Variants in KAZN observed in about 807,000 individuals in gnomAD.
KAZN encodes the protein kazrin.
KAZN carries 40 observed loss-of-function variants against 87.4 expected under a neutral mutation model. The ratio of observed to expected loss-of-function variants is 0.46; its 90% CI spans 0.36 to 0.60. KAZN has a LOEUF of 0.60. Ranked by LOEUF, KAZN falls within the 20% of genes least tolerant of loss-of-function variation. The pLI, the probability that KAZN is intolerant of heterozygous loss-of-function variation, is 0.00. For synonymous variants in KAZN, 466 were observed against 458.3 expected (o/e 1.02, Z -0.22); for missense variants, 898 against 1,073.9 (o/e 0.84, Z 2.29).
At chr1:13,944,291 G>A (rs1352195321) in intron 1 of KAZN, among the ~76,000 whole-genome samples, 2 of 152,186 alleles carry the variant, frequency 1.3e-5, no homozygotes, top group Non-Finnish European at 2.9e-5. Context: ...CACACACTGC[G>A]ATTCCATTTC....
intron 2 of KAZN, among the ~76,000 whole-genome samples, chr1:14,195,509 G>C (rs1557551983): frequency 2.6e-5 from 1 of 38,230 alleles, no homozygotes; most frequent in African/African-American, 9.1e-5. Context: ...TACAAAAACG[G>C]CTCACACACA....
chr1:14,193,560 G>A (rs1167403884), intron 2 of KAZN, among the ~76,000 whole-genome samples: 2 of 151,948 alleles, frequency 1.3e-5, no homozygotes, highest in Admixed American at 1.3e-4. Flanking sequence ...GTAAATTGCT[G>A]TTGTATCAGC....
chr1:14,747,828 A>G (rs1644304279), intron 1 of KAZN, among the ~76,000 whole-genome samples: 1 of 152,232 alleles, frequency 6.6e-6, no homozygotes. Flanking sequence ...CTCACCAGCA[A>G]TGCATAAGGG....
At chr1:14,964,189 G>T (rs962249249) in intron 2 of KAZN, among the ~76,000 whole-genome samples, 1 of 152,128 alleles carries the variant, frequency 6.6e-6, no homozygotes, top group African/African-American at 2.4e-5. Context: ...TGGTTCTAGA[G>T]CTTGGATACA....
In KAZN at chr1:13,985,450, G is replaced by A. The variant is rs1049534388; in HGVS notation, c.91+91694G>A. 8.7e-5 allele frequency among the ~76,000 whole-genome samples: 13 copies of A among 148,634 alleles called. No individual in the cohort carries two copies. In the East Asian group the frequency reaches 1.8e-3, roughly 21 times the overall value. ...AAATCATCATTCTCAGTAAACTATC[G>A]CAAGAACAAAAAACCAAACACCGCA... On this transcript the variant is annotated intron_variant, in intron 1 of 16. Transcript: ENST00000636203.
At chr1:15,102,364 A>G (rs966675688) in intron 11 of KAZN, among the ~76,000 whole-genome samples, 3 of 152,188 alleles carry the variant, frequency 2.0e-5, no homozygotes, top group African/African-American at 7.2e-5. Context: ...AGTAGAAGAC[A>G]TGAGAGAAAA....
intron 1 of KAZN, among the ~76,000 whole-genome samples, chr1:14,049,705 C>T (rs1387688711): frequency 6.6e-6 from 1 of 152,134 alleles, no homozygotes; most frequent in African/African-American, 2.4e-5. Context: ...TTCTGTTCTT[C>T]TTTCTGTAGC....
intron 2 of KAZN, among the ~76,000 whole-genome samples, chr1:14,220,370 C>T (rs992157882): frequency 1.3e-5 from 2 of 152,206 alleles, no homozygotes; most frequent in African/African-American, 4.8e-5. Context: ...TCTCCGCTTC[C>T]TGGTCCTGAC....
chr1:14,780,519 C>T (rs1016277555), intron 1 of KAZN, among the ~76,000 whole-genome samples: 4 of 152,304 alleles, frequency 2.6e-5, no homozygotes, highest in South Asian at 2.1e-4. Context: ...TGGGAGCCTC[C>T]GGTTTCTCTT....
chr1:14,556,434 C>T (rs1477022416), intron 2 of KAZN, among the ~76,000 whole-genome samples: 2 of 152,120 alleles, frequency 1.3e-5, no homozygotes, highest in African/African-American at 4.8e-5. Flanking sequence ...TTAAGCACAG[C>T]ACCCCATTAA....
At chr1:14,304,426 C>T (rs1328589193) in intron 2 of KAZN, among the ~76,000 whole-genome samples, 3 of 152,338 alleles carry the variant, frequency 2.0e-5, no homozygotes, top group African/African-American at 7.2e-5. Context: ...CTCTGCATCT[C>T]TGTGTGCTGT....
At chr1:14,209,454 A>G (rs1399772034) in intron 2 of KAZN, among the ~76,000 whole-genome samples, 7 of 152,214 alleles carry the variant, frequency 4.6e-5, no homozygotes, top group African/African-American at 1.4e-4. Flanking sequence ...CCTTCTGGGC[A>G]GCTATAACCT....
At chr1:14,758,299 G>A (rs1644632357) in intron 1 of KAZN, among the ~76,000 whole-genome samples, 1 of 151,364 alleles carries the variant, frequency 6.6e-6, no homozygotes, top group Admixed American at 6.6e-5. Context: ...CTGAACAGCT[G>A]AGACTACAGG....
At chr1:14,603,026 T>G (rs146578999) in intron 1 of KAZN, among the ~76,000 whole-genome samples, 4 of 152,196 alleles carry the variant, frequency 2.6e-5, no homozygotes. Flanking sequence ...GGCTGTTACT[T>G]AAGGCCTGAC....
chr1:14,534,572 G>A (rs1475411156), intron 2 of KAZN, among the ~76,000 whole-genome samples: 2 of 152,120 alleles, frequency 1.3e-5, no homozygotes, highest in Non-Finnish European at 2.9e-5. Flanking sequence ...TTGAACCCAG[G>A]AGGCGGAGGT....
intron 1 of KAZN, among the ~76,000 whole-genome samples, chr1:14,811,137 G>A (rs1057200542): frequency 5.3e-5 from 8 of 152,084 alleles, no homozygotes; most frequent in East Asian, 1.9e-4. Context: ...TCCCCCAACC[G>A]ACAGCACAAT....
intron 1 of KAZN, among the ~76,000 whole-genome samples, chr1:14,724,990 T>G (rs1643309894): frequency 6.6e-6 from 1 of 152,190 alleles, no homozygotes; most frequent in South Asian, 2.1e-4. Context: ...AAAAAGGCAC[T>G]CAGAAGTACC....
intron 2 of KAZN, among the ~76,000 whole-genome samples, chr1:14,507,656 A>G (rs1384271811): frequency 6.6e-6 from 1 of 152,134 alleles, no homozygotes; most frequent in African/African-American, 2.4e-5. Context: ...TTTCTTCCCC[A>G]AATTGAAACC....
At chr1:14,920,296 T>TG (rs1456375851) in intron 1 of KAZN, among the ~76,000 whole-genome samples, 2 of 147,408 alleles carry the variant, frequency 1.4e-5, no homozygotes, top group African/African-American at 2.6e-5. Flanking sequence ...TTTTTTTTTT[T>TG]GGGTGGCGCC....
Sources: allele counts gnomAD v4.1 joint callset (sites outside exome capture counted in the v4.1 genomes callset), GRCh38; gene constraint gnomAD v4.1.1; transcripts MANE v1.5; gene names NCBI Gene and HGNC (gene_info 2026-07-23, HGNC 2026-07-21).